Variants in RBFOX1 observed in about 807,000 individuals in gnomAD.
The protein encoded by RBFOX1 is RNA binding fox-1 homolog 1.
Under a neutral mutation model 57.7 loss-of-function variants are expected in RBFOX1, and 8 were observed. The observed-to-expected ratio is 0.14, with a 90% CI of 0.08 to 0.25. The LOEUF (loss-of-function observed/expected upper bound fraction) is 0.25. Among genes scored for constraint, RBFOX1 ranks in the 10% least tolerant of loss-of-function variants. The probability of loss-of-function intolerance (pLI) is 1.00; values close to 1 mark genes in which losing one functional copy is unlikely to be tolerated. For missense variants in RBFOX1, 611 were observed against 548.5 expected, an observed-to-expected ratio of 1.11 and a Z score of -1.14; for synonymous variants, 326 against 222.4, an observed-to-expected ratio of 1.47 and a Z score of -4.15.
intron 3 of RBFOX1, among the ~76,000 whole-genome samples, chr16:5,668,098 T>C (rs546803319): frequency 1.3e-5 from 2 of 152,212 alleles, no homozygotes; most frequent in South Asian, 2.1e-4. Flanking sequence ...CTGATCAATA[T>C]CGTGAAACTC....
chr16:6,156,909 G>A (rs2096842286), intron 1 of RBFOX1, among the ~76,000 whole-genome samples: 1 of 152,112 alleles, frequency 6.6e-6, no homozygotes, highest in Non-Finnish European at 1.5e-5. Flanking sequence ...GCATGATTAT[G>A]GTTCACCATA....
chr16:5,794,037 G>A (rs995233407), intron 3 of RBFOX1, among the ~76,000 whole-genome samples: 1 of 152,100 alleles, frequency 6.6e-6, no homozygotes, highest in African/African-American at 2.4e-5. Flanking sequence ...TTGCATTTCT[G>A]TGGTCATTTG....
At chr16:7,368,862 A>G (rs1596612402) in intron 4 of RBFOX1, among the ~76,000 whole-genome samples, 1 of 152,168 alleles carries the variant, frequency 6.6e-6, no homozygotes, top group African/African-American at 2.4e-5. Context: ...AGCAAGCCAG[A>G]CAGTTATCTT....
chr16:6,995,160 T>C (rs991571228), intron 3 of RBFOX1, among the ~76,000 whole-genome samples: 2 of 152,194 alleles, frequency 1.3e-5, no homozygotes, highest in East Asian at 1.9e-4. Flanking sequence ...TCTCTTGTTA[T>C]GGACATTTCT....
chr16:5,552,877 T>A (rs534385323), intron 2 of RBFOX1, among the ~76,000 whole-genome samples: 1 of 152,128 alleles, frequency 6.6e-6, no homozygotes, highest in Non-Finnish European at 1.5e-5. Context: ...TGTTCCCATC[T>A]TGATACCCAT....
At chr16:6,783,422 G>A (rs1345375014) in intron 3 of RBFOX1, among the ~76,000 whole-genome samples, 1 of 117,780 alleles carries the variant, frequency 8.5e-6, no homozygotes, top group East Asian at 2.4e-4. Flanking sequence ...TTTTTGCTTT[G>A]TAGTTACCAT....
chr16:7,710,457 A>C, intron 15 of RBFOX1, 166 bp from the exon 16 acceptor site: 1 of 1,463,960 alleles, frequency 6.8e-7, no homozygotes, highest in African/African-American at 1.4e-5. Context: ...GGGGAAGGTC[A>C]GGAATGGCCC....
Position 6,713,768 on chromosome 16 carries a change from A to T in RBFOX1, c.-16+59118A>T, listed in dbSNP as rs1603451356. Among the ~76,000 whole-genome samples the T allele has an allele frequency of 2.0e-5, 3 of 152,152 alleles. No individual in the cohort carries two copies. The South Asian group carries it at 6.2e-4, about 32-fold the overall frequency. On this transcript the variant is annotated intron_variant, in intron 3 of 15. Coordinates refer to ENST00000550418, the MANE Select transcript of RBFOX1 (RefSeq NM_018723.4). ...TAGTTATGGCTGGCAACTCCTGCTC[A>T]CCCTTCATGTTTCAGTTTTGACACC...
intron 3 of RBFOX1, among the ~76,000 whole-genome samples, chr16:6,677,753 T>C (rs1464779334): frequency 2.6e-5 from 4 of 152,218 alleles, no homozygotes; most frequent in African/African-American, 9.6e-5. Context: ...GAGCGATTTA[T>C]CTTCTGACAT....
At chr16:7,177,137 C>T (rs2081835956) in intron 4 of RBFOX1, among the ~76,000 whole-genome samples, 1 of 152,196 alleles carries the variant, frequency 6.6e-6, no homozygotes, top group Non-Finnish European at 1.5e-5. Context: ...AAGAACACGA[C>T]ACTTTGCTGA....
At chr16:6,510,884 C>T (rs929237894) in intron 2 of RBFOX1, among the ~76,000 whole-genome samples, 7 of 151,950 alleles carry the variant, frequency 4.6e-5, no homozygotes, top group African/African-American at 1.5e-4. Flanking sequence ...AAAGGTATGC[C>T]CTCTTTAATA....
chr16:6,874,355 A>G (rs2061454517), intron 3 of RBFOX1, among the ~76,000 whole-genome samples: 2 of 151,968 alleles, frequency 1.3e-5, no homozygotes, highest in South Asian at 4.2e-4. Context: ...CACTAAAAAT[A>G]CAAAATTAGC....
chr16:6,576,037 A>T (rs1003319062), intron 2 of RBFOX1, among the ~76,000 whole-genome samples: 8 of 152,172 alleles, frequency 5.3e-5, no homozygotes, highest in African/African-American at 1.9e-4. Context: ...CCCCCATCAC[A>T]CAGTTCAAAA....
At chr16:7,607,202 C>A in intron 9 of RBFOX1, 83 bp from the exon 10 acceptor site, 1 of 1,279,796 alleles carries the variant, frequency 7.8e-7, no homozygotes, top group South Asian at 1.3e-5. Flanking sequence ...GATACTTTAA[C>A]CCATTTGATT....
At chr16:7,021,740 TA>T (rs976721268) in intron 3 of RBFOX1, among the ~76,000 whole-genome samples, 4 of 150,748 alleles carry the variant, frequency 2.7e-5, no homozygotes, top group Non-Finnish European at 3.0e-5. Flanking sequence ...AAAATGACCC[TA>T]AAAACAAGAG....
At chr16:5,617,091 C>T (rs1023845387) in intron 3 of RBFOX1, among the ~76,000 whole-genome samples, 1 of 150,952 alleles carries the variant, frequency 6.6e-6, no homozygotes, top group Non-Finnish European at 1.5e-5. Context: ...CATTCCCTCC[C>T]TCACTCCCTC....
intron 3 of RBFOX1, among the ~76,000 whole-genome samples, chr16:6,933,192 C>T (rs1324825844): frequency 6.6e-6 from 1 of 152,194 alleles, no homozygotes; most frequent in African/African-American, 2.4e-5. Context: ...GTGAATGATG[C>T]TATGAACGGG....
At position 7,364,831 on chromosome 16, in the gene RBFOX1, C is replaced by G. The variant is rs563984064; in HGVS notation, c.28-153316C>G. 1.2e-4 allele frequency among the ~76,000 whole-genome samples: 18 copies of G among 152,280 alleles called. No homozygotes were observed. The South Asian group carries it at 3.7e-3, about 32-fold the overall frequency. Reference sequence around the variant, plus strand: ...GAGCTCCCATTGTGAGGGCAACATACTTGTTTTTCTGCTTACTAACAAGGA... The same window carrying G: ...GAGCTCCCATTGTGAGGGCAACATAGTTGTTTTTCTGCTTACTAACAAGGA... On this transcript the variant is annotated intron_variant, in intron 4 of 15. Coordinates refer to ENST00000550418, the MANE Select transcript of RBFOX1 (RefSeq NM_018723.4).
intron 3 of RBFOX1, among the ~76,000 whole-genome samples, chr16:6,703,431 G>C (rs554337070): frequency 2.6e-5 from 4 of 152,196 alleles, no homozygotes; most frequent in African/African-American, 7.2e-5. Flanking sequence ...AAAAATATTA[G>C]CCAGGTATCG....
Sources: gnomAD v4.1 joint callset for allele counts (sites outside exome capture counted in the v4.1 genomes callset) on GRCh38, gnomAD v4.1.1 for gene constraint, MANE v1.5 for transcripts, NCBI Gene and HGNC (gene_info 2026-07-23, HGNC 2026-07-21) for gene names.